The following CDH10 variants were observed in gnomAD, a reference collection of about 807,000 sequenced individuals.
CDH10 encodes the protein cadherin 10.
Under a neutral mutation model 73.1 loss-of-function variants are expected in CDH10, and 30 were observed. The ratio of observed to expected loss-of-function variants is 0.41; its 90% CI spans 0.31 to 0.56. CDH10 has a LOEUF of 0.56. Among genes scored for constraint, CDH10 ranks in the 20% least tolerant of loss-of-function variants. CDH10 has a pLI of 0.27. For synonymous variants in CDH10, 345 were observed against 348.2 expected (o/e 0.99, Z 0.10); for missense variants, 815 against 973.7 (o/e 0.84, Z 2.17).
At chr5:24,614,146 A>G (rs187905227) in intron 1 of CDH10, among the ~76,000 whole-genome samples, 2 of 152,302 alleles carry the variant, frequency 1.3e-5, no homozygotes, top group South Asian at 2.1e-4. Context: ...CTATAATGCA[A>G]TCATGATGGA....
At chr5:24,535,595 T>C in intron 4 of CDH10, 108 bp downstream of exon 4, 1 of 964,020 alleles carries the variant, frequency 1.0e-6, no homozygotes, top group East Asian at 2.4e-5. Context: ...TCTTCACTCA[T>C]CTGTGAGTAT....
intron 1 of CDH10, among the ~76,000 whole-genome samples, chr5:24,605,212 A>T (rs1746716723): frequency 6.6e-6 from 1 of 152,216 alleles, no homozygotes; most frequent in African/African-American, 2.4e-5. Context: ...AGAAGACATT[A>T]CCAAGTGTTG....
At chr5:24,568,457 C>A (rs1745242951) in intron 2 of CDH10, among the ~76,000 whole-genome samples, 1 of 152,056 alleles carries the variant, frequency 6.6e-6, no homozygotes, top group African/African-American at 2.4e-5. Flanking sequence ...TCATTTCATA[C>A]CCATAAGGAT....
intron 9 of CDH10, 52 bp from the exon 10 acceptor site, chr5:24,492,977 T>A (rs1386809133): frequency 1.3e-6 from 1 of 747,652 alleles, no homozygotes; most frequent in Admixed American, 2.0e-5. Flanking sequence ...TCCATGGGTA[T>A]AATCTGCACT....
In CDH10 at chr5:24,509,700, A is replaced by ATT; in HGVS notation, c.1121_1122insAA (p.Glu376Ter). The ATT allele has an allele frequency of 6.2e-7, 1 of 1,613,354 alleles. No homozygotes were observed. The highest frequency in any genetic ancestry group is 8.5e-7 in the Non-Finnish European group (1 of 1,179,276). ...CAGGAGGTTCATCCACATCTTCTAT[A>ATT]GAGATTTTCACTATGGTAGTATCTT... On this transcript the variant is annotated frameshift_variant, in exon 7 of 12. Coordinates refer to ENST00000264463, the MANE Select transcript of CDH10 (RefSeq NM_006727.5). LOFTEE classifies it high-confidence loss of function.
chr5:24,535,292 TA>T lies in CDH10; in HGVS notation c.647-14del, dbSNP rs1561146685. 12 of 1,595,370 alleles carry T rather than the reference TA, an allele frequency of 7.5e-6. No homozygotes were observed. The highest frequency in any genetic ancestry group is 1.0e-5 in the Non-Finnish European group (12 of 1,174,428). ...GTCCTGATGATACCTTGAGAAAATATAAAAAAACTTCCATTATCTTCACTGA... is the reference window on the plus strand; with the variant it reads ...GTCCTGATGATACCTTGAGAAAATATAAAAAACTTCCATTATCTTCACTGA... On this transcript the variant is annotated splice_polypyrimidine_tract_variant and intron_variant, in intron 4 of 11. Transcript: ENST00000264463.
chr5:24,531,578 G>A (rs1378770599), intron 5 of CDH10, among the ~76,000 whole-genome samples: 2 of 152,062 alleles, frequency 1.3e-5, no homozygotes, highest in African/African-American at 4.8e-5. Context: ...TTACATGGCA[G>A]CAGGAAAGAT....
At chr5:24,510,499 A>G (rs1331874082) in intron 6 of CDH10, among the ~76,000 whole-genome samples, 5 of 152,200 alleles carry the variant, frequency 3.3e-5, no homozygotes, top group African/African-American at 1.2e-4. Flanking sequence ...GATAAATGAT[A>G]TTATTAGTTC....
rs531702491 is a variant in CDH10, at chr5:24,548,058, G to T, written c.232-10384C>A. ...CAGCAGATTCAAAATTCATGTAAGC[G>T]TTGATATTCCAGTCTTGAATCAGAA... is the stretch of plus-strand genomic sequence containing the variant. On this transcript the variant is annotated intron_variant, in intron 2 of 11. Transcript: ENST00000264463. Among the ~76,000 whole-genome samples the T allele has an allele frequency of 1.1e-4, 16 of 152,260 alleles. No individual in the cohort carries two copies. The East Asian group carries it at 3.1e-3, about 29-fold the overall frequency.
At chr5:24,531,348 G>A (rs1261546535) in intron 5 of CDH10, among the ~76,000 whole-genome samples, 2 of 152,010 alleles carry the variant, frequency 1.3e-5, no homozygotes, top group African/African-American at 4.8e-5. Context: ...AAAGGCAATA[G>A]GGATACAAAC....
At chr5:24,611,748 T>C (rs1483541425) in intron 1 of CDH10, 4 of 152,140 alleles carry the variant, frequency 2.6e-5, no homozygotes, top group East Asian at 3.9e-4. Flanking sequence ...GGTGAAGAGA[T>C]ACATTCCCAT....
chr5:24,528,644 C>A (rs1743620615), intron 5 of CDH10, among the ~76,000 whole-genome samples: 1 of 151,940 alleles, frequency 6.6e-6, no homozygotes, highest in Non-Finnish European at 1.5e-5. Context: ...GCAAAAGCAC[C>A]AAGCAATAAA....
At chr5:24,545,342 A>C (rs1390325921) in intron 2 of CDH10, among the ~76,000 whole-genome samples, 1 of 152,252 alleles carries the variant, frequency 6.6e-6, no homozygotes, top group Non-Finnish European at 1.5e-5. Flanking sequence ...TAAATTTACA[A>C]CATTTAAAAG....
rs1209456166 is a variant in CDH10, at chr5:24,586,807, T to C, written c.231+6453A>G. On this transcript the variant is annotated intron_variant, in intron 2 of 11. Transcript: ENST00000264463. ...AACACAGTTCAGTGATTAATAACAA[T>C]AATAATAATAGTAAAACAATAAGAT... 2.0e-5 allele frequency among the ~76,000 whole-genome samples: 3 copies of C among 148,258 alleles called. No homozygotes were observed. In the Admixed American group the frequency reaches 2.0e-4, roughly 10 times the overall value.
At chr5:24,600,093 T>G (rs563522523) in intron 1 of CDH10, among the ~76,000 whole-genome samples, 1 of 152,324 alleles carries the variant, frequency 6.6e-6, no homozygotes, top group Admixed American at 6.5e-5. Context: ...AAATTGTACT[T>G]ACATTGTAGT....
intron 2 of CDH10, among the ~76,000 whole-genome samples, chr5:24,564,590 C>T (rs1016545585): frequency 6.6e-6 from 1 of 152,056 alleles, no homozygotes; most frequent in Non-Finnish European, 1.5e-5. Context: ...CCCCCACGGC[C>T]CCCTCCAGGA....
chr5:24,633,070 T>G (rs1015860181), intron 1 of CDH10, among the ~76,000 whole-genome samples: 1 of 151,160 alleles, frequency 6.6e-6, no homozygotes, highest in Non-Finnish European at 1.5e-5. Flanking sequence ...ACAAAGACAA[T>G]TTATTTTGAT....
Position 24,492,313 on chromosome 5 carries a change from A to C in CDH10, c.1625-486T>G, listed in dbSNP as rs940843580. Among the ~76,000 whole-genome samples the C allele has an allele frequency of 2.0e-5, 3 of 152,268 alleles. No homozygotes were observed. The East Asian group carries it at 5.8e-4, about 29-fold the overall frequency. On this transcript the variant is annotated intron_variant, in intron 10 of 11. Coordinates refer to ENST00000264463, the MANE Select transcript of CDH10 (RefSeq NM_006727.5). ...GTTGCATGTTTTAAATCAATAACAA[A>C]GTAGAAGAAGGTTTTTTAACCTTCA...
At chr5:24,503,734 A>C (rs1742582372) in intron 8 of CDH10, among the ~76,000 whole-genome samples, 1 of 152,188 alleles carries the variant, frequency 6.6e-6, no homozygotes, top group Non-Finnish European at 1.5e-5. Flanking sequence ...AAGTTACTAA[A>C]GTTCCCAGAG....
Sources: gnomAD v4.1 joint callset for allele counts (sites outside exome capture counted in the v4.1 genomes callset) on GRCh38, gnomAD v4.1.1 for gene constraint, MANE v1.5 for transcripts, NCBI Gene and HGNC (gene_info 2026-07-23, HGNC 2026-07-21) for gene names.